Variants in MACROD2 observed in about 807,000 individuals in gnomAD.
MACROD2 encodes mono-ADP ribosylhydrolase 2.
Under a neutral mutation model 70.4 loss-of-function variants are expected in MACROD2, and 36 were observed. The observed-to-expected ratio is 0.51, with a 90% CI of 0.39 to 0.68. MACROD2 has a LOEUF of 0.68. MACROD2 is among the 30% of genes least tolerant of loss of function. The probability of loss-of-function intolerance (pLI) is 0.00; values close to 1 mark genes in which losing one functional copy is unlikely to be tolerated. For synonymous variants in MACROD2, 172 were observed against 178.8 expected (o/e 0.96, Z 0.30); for missense variants, 496 against 538.4 (o/e 0.92, Z 0.78).
rs184623004 is a variant in MACROD2, at chr20:14,160,020, A to G, written c.271+74292A>G. ...CTTTATTCTGTTGATGTGATGTGTC[A>G]TGTTTATTGATTTGTATATGTTGAA... On this transcript the variant is annotated intron_variant, in intron 3 of 17. Transcript: ENST00000684519. 6.4e-3 allele frequency among the ~76,000 whole-genome samples: 979 copies of G among 152,218 alleles called. 9 individuals are homozygous for G. The highest frequency in any genetic ancestry group is 0.011 in the Non-Finnish European group (756 of 68,000).
At chr20:15,103,815 A>G (rs1186005448) in intron 5 of MACROD2, among the ~76,000 whole-genome samples, 1 of 152,132 alleles carries the variant, frequency 6.6e-6, no homozygotes, top group Non-Finnish European at 1.5e-5. Flanking sequence ...AATTGCATGA[A>G]GAAAGCAGCC....
At chr20:14,749,502 G>A (rs573430161) in intron 5 of MACROD2, among the ~76,000 whole-genome samples, 9 of 152,114 alleles carry the variant, frequency 5.9e-5, no homozygotes, top group Non-Finnish European at 1.2e-4. Flanking sequence ...TTTAACTGTA[G>A]AAAATTCTCG....
chr20:14,249,300 A>G (rs904419047), intron 3 of MACROD2, among the ~76,000 whole-genome samples: 3 of 151,990 alleles, frequency 2.0e-5, no homozygotes, highest in African/African-American at 7.3e-5. Flanking sequence ...TTGTCTCAGT[A>G]TAATGCAAAA....
At chr20:14,212,538 A>C (rs1323752772) in intron 3 of MACROD2, among the ~76,000 whole-genome samples, 1 of 152,110 alleles carries the variant, frequency 6.6e-6, no homozygotes, top group Non-Finnish European at 1.5e-5. Flanking sequence ...AACAGGAATA[A>C]ATTCAGCTTC....
chr20:15,457,962 A>G (rs1175213245), intron 7 of MACROD2, among the ~76,000 whole-genome samples: 16 of 144,172 alleles, frequency 1.1e-4, no homozygotes, highest in African/African-American at 4.3e-4. Flanking sequence ...AAAAAAAAAA[A>G]GAAAAAAGAA....
chr20:15,548,849 A>G (rs1289697010), intron 8 of MACROD2, among the ~76,000 whole-genome samples: 1 of 152,224 alleles, frequency 6.6e-6, no homozygotes, highest in East Asian at 1.9e-4. Context: ...TGAGACCACC[A>G]TGCAGGAGAA....
At chr20:15,513,891 T>C (rs1423792095) in intron 8 of MACROD2, among the ~76,000 whole-genome samples, 1 of 152,212 alleles carries the variant, frequency 6.6e-6, no homozygotes, top group Admixed American at 6.5e-5. Context: ...AAGATTCTAA[T>C]GAAGTAGAAA....
At chr20:15,234,009 A>ATATTATTTTTTTTTTTTTT (rs1555795277) in intron 6 of MACROD2, among the ~76,000 whole-genome samples, 1 of 39,998 alleles carries the variant, frequency 2.5e-5, no homozygotes, top group African/African-American at 8.6e-5. Context: ...ATATATATAT[A>ATATTATTTTTTTTTTTTTT]TTCTTTTTTT....
intron 15 of MACROD2, among the ~76,000 whole-genome samples, chr20:16,011,006 C>A (rs1568707285): frequency 6.6e-6 from 1 of 152,178 alleles, no homozygotes; most frequent in East Asian, 1.9e-4. Context: ...CCTGGGCAGA[C>A]TAAATGTATA....
At chr20:14,285,296 T>G (rs1187817273) in intron 3 of MACROD2, among the ~76,000 whole-genome samples, 1 of 152,200 alleles carries the variant, frequency 6.6e-6, no homozygotes, top group Non-Finnish European at 1.5e-5. Flanking sequence ...TTGAAGGTAA[T>G]TTTATACAAT....
intron 3 of MACROD2, among the ~76,000 whole-genome samples, chr20:14,121,583 A>C (rs2054589789): frequency 6.6e-6 from 1 of 152,202 alleles, no homozygotes; most frequent in Non-Finnish European, 1.5e-5. Flanking sequence ...CTTTTGAAGT[A>C]TTTGGTTAGA....
intron 5 of MACROD2, among the ~76,000 whole-genome samples, chr20:15,000,841 G>C (rs921454138): frequency 6.6e-6 from 1 of 152,036 alleles, no homozygotes; most frequent in East Asian, 1.9e-4. Flanking sequence ...TATTCTTTAT[G>C]CTTTTCTAAA....
chr20:14,593,097 A>G (rs1298359408), intron 4 of MACROD2, among the ~76,000 whole-genome samples: 1 of 152,162 alleles, frequency 6.6e-6, no homozygotes, highest in Admixed American at 6.5e-5. Flanking sequence ...ACGAAACTGT[A>G]TTTTTCTACC....
intron 4 of MACROD2, among the ~76,000 whole-genome samples, chr20:14,507,466 G>A (rs2084981539): frequency 1.3e-5 from 2 of 152,154 alleles, no homozygotes; most frequent in South Asian, 4.1e-4. Context: ...ATGCAGAATT[G>A]TGTGAATGTC....
intron 8 of MACROD2, among the ~76,000 whole-genome samples, chr20:15,778,412 T>G (rs1276034143): frequency 6.6e-6 from 1 of 152,106 alleles, no homozygotes; most frequent in East Asian, 1.9e-4. Flanking sequence ...CTATTACTCT[T>G]TAAAATTTTT....
chr20:15,417,064 ACT>A (rs1034507732), intron 6 of MACROD2, among the ~76,000 whole-genome samples: 32 of 152,202 alleles, frequency 2.1e-4, no homozygotes, highest in African/African-American at 6.5e-4. Context: ...ACGTGTCAAG[ACT>A]CTGCAGGCGT....
At chr20:14,784,674 G>GGC (rs1423836894) in intron 5 of MACROD2, among the ~76,000 whole-genome samples, 1 of 142,862 alleles carries the variant, frequency 7.0e-6, no homozygotes, top group Non-Finnish European at 1.5e-5. Flanking sequence ...TAAGTGGGGG[G>GGC]GGGGGGGCAC....
intron 10 of MACROD2, among the ~76,000 whole-genome samples, chr20:15,910,476 A>C (rs567328537): frequency 1.6e-4 from 25 of 152,010 alleles, no homozygotes; most frequent in African/African-American, 5.3e-4. Context: ...TTGATGGTAG[A>C]TGAGGACGTA....
chr20:15,009,571 T>G (rs899030662), intron 5 of MACROD2, among the ~76,000 whole-genome samples: 6 of 152,294 alleles, frequency 3.9e-5, no homozygotes, highest in African/African-American at 1.4e-4. Context: ...AGAGCATGTT[T>G]TGTTTATCTG....
Sources: allele counts gnomAD v4.1 joint callset (sites outside exome capture counted in the v4.1 genomes callset), GRCh38; gene constraint gnomAD v4.1.1; transcripts MANE v1.5; gene names NCBI Gene and HGNC (gene_info 2026-07-23, HGNC 2026-07-21).